ADAM23: variants seen among roughly 807,000 people sequenced by gnomAD.
The protein encoded by ADAM23 is ADAM metallopeptidase domain 23.
Under a neutral mutation model 120.1 loss-of-function variants are expected in ADAM23, and 33 were observed. The ratio of observed to expected loss-of-function variants is 0.27; its 90% CI spans 0.21 to 0.37. The LOEUF (loss-of-function observed/expected upper bound fraction) is 0.37, where lower values mean the gene tolerates loss of function less well. Ranked by LOEUF, ADAM23 falls within the 10% of genes least tolerant of loss-of-function variation. The pLI is 1.00. For synonymous variants in ADAM23, 367 were observed against 375.2 expected (o/e 0.98, Z 0.25); for missense variants, 862 against 1,058.2 (o/e 0.81, Z 2.57).
At chr2:206,578,729 A>T (rs1424576987) in intron 18 of ADAM23, among the ~76,000 whole-genome samples, 1 of 152,052 alleles carries the variant, frequency 6.6e-6, no homozygotes, top group Non-Finnish European at 1.5e-5. Context: ...TTTTTTGAAT[A>T]ATGACGTCTT....
intron 9 of ADAM23, among the ~76,000 whole-genome samples, chr2:206,556,513 T>C (rs1453091105): frequency 6.6e-6 from 1 of 152,140 alleles, no homozygotes; most frequent in Non-Finnish European, 1.5e-5. Context: ...TTGTTTTCCT[T>C]AGTGTTGTAG....
intron 2 of ADAM23, among the ~76,000 whole-genome samples, chr2:206,448,800 C>T (rs1275957714): frequency 2.0e-5 from 3 of 152,226 alleles, no homozygotes; most frequent in African/African-American, 7.2e-5. Context: ...TGAAGATCCT[C>T]GCCCTATGTG....
intron 24 of ADAM23, among the ~76,000 whole-genome samples, chr2:206,608,917 G>A (rs140357931): frequency 2.6e-5 from 4 of 152,344 alleles, no homozygotes; most frequent in African/African-American, 9.6e-5. Flanking sequence ...TCCTGGAGCA[G>A]GGATAGATAG....
At chr2:206,478,633 T>C (rs1695833015) in intron 2 of ADAM23, among the ~76,000 whole-genome samples, 1 of 152,204 alleles carries the variant, frequency 6.6e-6, no homozygotes, top group Non-Finnish European at 1.5e-5. Flanking sequence ...TTGTTTGCGA[T>C]CATAAATGTC....
chr2:206,445,149 T>G (rs1695053619), intron 1 of ADAM23, among the ~76,000 whole-genome samples, 158 bp from the exon 2 acceptor site: 1 of 152,222 alleles, frequency 6.6e-6, no homozygotes, highest in African/African-American at 2.4e-5. Flanking sequence ...ATAACTTGCT[T>G]TACTCTAGCT....
intron 2 of ADAM23, among the ~76,000 whole-genome samples, chr2:206,456,988 G>A (rs1254540309): frequency 1.3e-5 from 2 of 152,124 alleles, no homozygotes; most frequent in African/African-American, 4.8e-5. Flanking sequence ...TTGTAAGCAG[G>A]CCTGCTAATA....
chr2:206,460,063 T>C (rs1243625894), intron 2 of ADAM23, among the ~76,000 whole-genome samples: 1 of 152,010 alleles, frequency 6.6e-6, no homozygotes, highest in Non-Finnish European at 1.5e-5. Context: ...ATCATTTCAC[T>C]CTTGGCTCAA....
chr2:206,493,802 A>G (rs553830455), intron 3 of ADAM23, among the ~76,000 whole-genome samples: 1 of 152,392 alleles, frequency 6.6e-6, no homozygotes, highest in African/African-American at 2.4e-5. Flanking sequence ...TACATTGTAG[A>G]GAGCACATTT....
At chr2:206,527,965 T>C (rs761349457) in intron 3 of ADAM23, among the ~76,000 whole-genome samples, 4 of 152,206 alleles carry the variant, frequency 2.6e-5, no homozygotes, top group Non-Finnish European at 5.9e-5. Flanking sequence ...AACAGGTATG[T>C]TCATGAGAAG....
intron 3 of ADAM23, among the ~76,000 whole-genome samples, chr2:206,525,971 T>TA (rs1441169046): frequency 1.3e-5 from 2 of 152,162 alleles, no homozygotes; most frequent in Non-Finnish European, 2.9e-5. Context: ...CTTTCCTAGA[T>TA]ACTAGGGAAT....
At chr2:206,567,888 C>T (rs1219029220) in intron 15 of ADAM23, among the ~76,000 whole-genome samples, 2 of 152,132 alleles carry the variant, frequency 1.3e-5, no homozygotes, top group African/African-American at 4.8e-5. Flanking sequence ...GCATCTTCTT[C>T]ACAAGGTGGC....
intron 2 of ADAM23, among the ~76,000 whole-genome samples, chr2:206,454,295 G>A (rs1695252220): frequency 1.3e-5 from 2 of 152,126 alleles, no homozygotes; most frequent in African/African-American, 4.8e-5. Context: ...AAGAGAGAGA[G>A]AGAGAAGTGC....
Position 206,619,526 on chromosome 2 carries a change from T to G in ADAM23, c.*1899T>G, listed in dbSNP as rs955932049. ...TCTCTAATGCCCCCCCCCTTTTTTT[T>G]TTAGGAAAAGAACATGCAGTTTTAC... On this transcript the variant is annotated 3_prime_UTR_variant, in exon 26 of 26. Transcript: ENST00000264377. The G allele has an allele frequency of 6.6e-6, 1 of 151,998 alleles. No homozygotes were observed. Among genetic ancestry groups the G allele is most frequent in the Non-Finnish European group, 1.5e-5 (1 of 68,024 alleles). The allele number at this position is 151,998 out of a possible 1,614,324, so 9.4% of individuals were successfully genotyped here.
At chr2:206,586,717 A>G (rs1698328697) in intron 18 of ADAM23, among the ~76,000 whole-genome samples, 1 of 152,214 alleles carries the variant, frequency 6.6e-6, no homozygotes, top group African/African-American at 2.4e-5. Flanking sequence ...TTGGGGGGAA[A>G]TGAAGTATTT....
chr2:206,515,155 C>T (rs895633640), intron 3 of ADAM23, among the ~76,000 whole-genome samples: 1 of 152,048 alleles, frequency 6.6e-6, no homozygotes, highest in East Asian at 1.9e-4. Flanking sequence ...TTCCTGTGTA[C>T]AAACATCTCT....
At chr2:206,573,741 A>G (rs545557090) in intron 18 of ADAM23, among the ~76,000 whole-genome samples, 1 of 152,276 alleles carries the variant, frequency 6.6e-6, no homozygotes, top group South Asian at 2.1e-4. Context: ...AACAATGAAA[A>G]TGGCAGGCTT....
At chr2:206,481,701 G>A (rs1695900590) in intron 3 of ADAM23, among the ~76,000 whole-genome samples, 1 of 152,128 alleles carries the variant, frequency 6.6e-6, no homozygotes, top group African/African-American at 2.4e-5. Flanking sequence ...ACTTCTGTGG[G>A]AAGAACAGAG....
intron 3 of ADAM23, 46 bp from the exon 4 acceptor site, chr2:206,530,839 C>T: frequency 6.4e-7 from 1 of 1,560,362 alleles, no homozygotes. Flanking sequence ...TTTAAACCTC[C>T]AAGTGTCTTA....
At chr2:206,530,795 A>G in intron 3 of ADAM23, 90 bp from the exon 4 acceptor site, 1 of 1,025,392 alleles carries the variant, frequency 9.8e-7, no homozygotes. Flanking sequence ...TCTGGTTTGC[A>G]TGCCCCTCAC....
Sources: allele counts gnomAD v4.1 joint callset (sites outside exome capture counted in the v4.1 genomes callset), GRCh38; gene constraint gnomAD v4.1.1; transcripts MANE v1.5; gene names NCBI Gene and HGNC (gene_info 2026-07-23, HGNC 2026-07-21).